PRKX: variants seen among roughly 807,000 people sequenced by gnomAD.
PRKX encodes protein kinase cAMP-dependent X-linked catalytic subunit.
Under a neutral mutation model 22.0 loss-of-function variants are expected in PRKX, and 12 were observed. The ratio of observed to expected loss-of-function variants is 0.54; its 90% CI spans 0.35 to 0.88. The LOEUF (loss-of-function observed/expected upper bound fraction) is 0.88. PRKX is among the 40% of genes least tolerant of loss of function. The pLI is 0.01. For synonymous variants in PRKX, 134 were observed against 137.7 expected (o/e 0.97, Z 0.19); for missense variants, 217 against 308.0 (o/e 0.70, Z 2.21).
chrX:3,689,723 A>G (rs1467589373), intron 1 of PRKX, among the ~76,000 whole-genome samples: 1 of 111,911 alleles, frequency 8.9e-6, no homozygotes, highest in African/African-American at 3.2e-5. Context: ...CACACCTGTA[A>G]TCCCAACACT....
At chrX:3,625,264 G>A (rs115553023) in intron 5 of PRKX, among the ~76,000 whole-genome samples, 2,485 of 111,445 alleles carry the variant, frequency 0.022, 71 homozygotes, top group African/African-American at 0.077. Flanking sequence ...GATGGGGTGC[G>A]TTCACCACCA....
intron 1 of PRKX, among the ~76,000 whole-genome samples, chrX:3,711,384 A>AG (rs1255378821): frequency 9.0e-6 from 1 of 111,379 alleles, no homozygotes; most frequent in East Asian, 2.8e-4. Context: ...TTTAAAGATG[A>AG]GGTTACCCGC....
chrX:3,667,386 G>A (rs891395486), intron 2 of PRKX: 2 of 110,087 alleles, frequency 1.8e-5, no homozygotes, highest in Admixed American at 2.0e-4. Flanking sequence ...AGAAGAAAAT[G>A]AGCCATCCTC....
intron 4 of PRKX, among the ~76,000 whole-genome samples, chrX:3,631,939 C>T (rs1293590383): frequency 2.7e-5 from 3 of 112,324 alleles, no homozygotes; most frequent in East Asian, 5.6e-4. Flanking sequence ...CTAACAGCAG[C>T]GTCAGGACAT....
intron 7 of PRKX, among the ~76,000 whole-genome samples, chrX:3,613,883 AGC>A (rs1254640710): frequency 3.1e-5 from 3 of 97,546 alleles, no homozygotes; most frequent in Admixed American, 1.2e-4. Context: ...AAAAAAAAGA[AGC>A]GTATCATCCC....
At chrX:3,704,745 C>T (rs6641612) in intron 1 of PRKX, among the ~76,000 whole-genome samples, 52,947 of 110,356 alleles carry the variant, frequency 0.48, 10,209 homozygotes, top group African/African-American at 0.73. Context: ...CAGTTGCATC[C>T]ACATTGTTGC....
At chrX:3,636,196 C>T (rs1403006779) in intron 4 of PRKX, among the ~76,000 whole-genome samples, 2 of 112,404 alleles carry the variant, frequency 1.8e-5, no homozygotes, top group African/African-American at 3.2e-5. Flanking sequence ...AGACAAGGCA[C>T]AGTCTCACTT....
intron 2 of PRKX, among the ~76,000 whole-genome samples, chrX:3,674,101 A>G (rs1478909992): frequency 9.0e-6 from 1 of 111,388 alleles, no homozygotes; most frequent in Non-Finnish European, 1.9e-5. Context: ...ACCCTAGGAC[A>G]TAAGACTGTT....
intron 4 of PRKX, among the ~76,000 whole-genome samples, chrX:3,636,222 G>A (rs773632824): frequency 1.9e-4 from 21 of 112,210 alleles, no homozygotes; most frequent in South Asian, 3.6e-4. Context: ...TGCTAAGAGT[G>A]GGAATCCAGC....
chrX:3,667,585 T>C (rs1301016684), intron 2 of PRKX: 1 of 110,569 alleles, frequency 9.0e-6, no homozygotes, highest in Non-Finnish European at 1.9e-5. Context: ...GCAGATGTTT[T>C]GCCCTCAAAG....
intron 8 of PRKX, chrX:3,611,284 C>T (rs1186532494): frequency 1.8e-5 from 2 of 112,099 alleles, no homozygotes; most frequent in Non-Finnish European, 3.8e-5. Context: ...GTGTCTGTTT[C>T]GAATGGTGTT....
At chrX:3,622,584 C>T (rs750306235) in intron 5 of PRKX, among the ~76,000 whole-genome samples, 20 of 110,592 alleles carry the variant, frequency 1.8e-4, no homozygotes, top group African/African-American at 6.6e-4. Flanking sequence ...GCTGTCTGAT[C>T]GGAAATTTTA....
At position 3,607,959 on chromosome X, in the gene PRKX, C is replaced by A. The variant is rs867798077; in HGVS notation, c.*1010G>T. ...GCAGTGGTGTGATCTCGGATCACTG[C>A]GGCCTGGACCTCCCCAGGCTCAAGT... On this transcript the variant is annotated 3_prime_UTR_variant, in exon 9 of 9. Coordinates refer to ENST00000262848, the MANE Select transcript of PRKX (RefSeq NM_005044.5). 1.1e-4 allele frequency: 11 copies of A among 101,404 alleles called. No individual in the cohort carries two copies. Among genetic ancestry groups the A allele is most frequent in the African/African-American group, 1.5e-4 (4 of 27,243 alleles). The allele number at this position is 101,404 out of a possible 1,213,427, so 8.4% of individuals were successfully genotyped here.
At chrX:3,638,123 C>G (rs749171430) in intron 4 of PRKX, among the ~76,000 whole-genome samples, 1 of 111,302 alleles carries the variant, frequency 9.0e-6, no homozygotes, top group Non-Finnish European at 1.9e-5. Context: ...ATTTTCTATT[C>G]TATTGTATTC....
chrX:3,679,884 C>T (rs1448961776), intron 1 of PRKX, among the ~76,000 whole-genome samples: 1 of 111,703 alleles, frequency 9.0e-6, no homozygotes, highest in African/African-American at 3.3e-5. Flanking sequence ...TTTCTCCAGC[C>T]AAGTGCCAGA....
chrX:3,639,580 G>T (rs1927022017), intron 4 of PRKX, among the ~76,000 whole-genome samples: 1 of 100,495 alleles, frequency 1.0e-5, no homozygotes, highest in African/African-American at 3.7e-5. Flanking sequence ...GGGTAGGTGG[G>T]TGGATGGATG....
chrX:3,689,768 G>C (rs970587944), intron 1 of PRKX, among the ~76,000 whole-genome samples: 3 of 111,801 alleles, frequency 2.7e-5, no homozygotes, highest in Non-Finnish European at 5.6e-5. Context: ...ACAAGGTCAG[G>C]AGATCGAGAC....
intron 5 of PRKX, among the ~76,000 whole-genome samples, chrX:3,622,169 C>T (rs1401945498): frequency 9.2e-6 from 1 of 109,171 alleles, no homozygotes; most frequent in Non-Finnish European, 1.9e-5. Context: ...CAAACAACAA[C>T]AACGACAACA....
At chrX:3,676,676 A>G (rs1486252579) in intron 1 of PRKX, among the ~76,000 whole-genome samples, 2 of 111,891 alleles carry the variant, frequency 1.8e-5, no homozygotes, top group Non-Finnish European at 3.8e-5. Context: ...TCTCACTTAT[A>G]CAAGGAATCT....
Sources: allele counts gnomAD v4.1 joint callset (sites outside exome capture counted in the v4.1 genomes callset), GRCh38; gene constraint gnomAD v4.1.1; transcripts MANE v1.5; gene names NCBI Gene and HGNC (gene_info 2026-07-23, HGNC 2026-07-21).